Variants in GPC5 observed in about 807,000 individuals in gnomAD.
The protein encoded by GPC5 is glypican-5.
In GPC5, 47 loss-of-function variants were observed where a neutral mutation model predicts 53.9. The observed-to-expected ratio is 0.87, with a 90% CI of 0.69 to 1.11. GPC5 has a LOEUF of 1.11. Among genes scored for constraint, GPC5 ranks in the 50% most tolerant of loss-of-function variants. The pLI is 0.00. For synonymous variants in GPC5, 286 were observed against 263.3 expected (o/e 1.09, Z -0.84); for missense variants, 748 against 713.1 (o/e 1.05, Z -0.56).
At chr13:92,506,288 TATGAATG>T (rs1297446505) in intron 7 of GPC5, among the ~76,000 whole-genome samples, 16 of 152,236 alleles carry the variant, frequency 1.1e-4, no homozygotes, top group African/African-American at 3.9e-4. Context: ...AAAAACTTCA[TATGAATG>T]AAAGAGTTCT....
intron 6 of GPC5, among the ~76,000 whole-genome samples, chr13:92,133,813 AG>A (rs2138965641): frequency 6.6e-6 from 1 of 152,308 alleles, no homozygotes; most frequent in East Asian, 1.9e-4. Context: ...ATCTAAGTTA[AG>A]AACAGAAAAT....
intron 2 of GPC5, among the ~76,000 whole-genome samples, chr13:91,646,713 G>A (rs1027307044): frequency 6.6e-6 from 1 of 152,002 alleles, no homozygotes; most frequent in Non-Finnish European, 1.5e-5. Context: ...ATATGCTTCT[G>A]GTATAGCATA....
At chr13:91,990,297 G>C (rs2040445480) in intron 6 of GPC5, among the ~76,000 whole-genome samples, 1 of 152,166 alleles carries the variant, frequency 6.6e-6, no homozygotes. Flanking sequence ...TAAAGTATCA[G>C]TGATCTGGGT....
At chr13:92,539,681 C>T (rs1418322978) in intron 7 of GPC5, among the ~76,000 whole-genome samples, 1 of 151,846 alleles carries the variant, frequency 6.6e-6, no homozygotes, top group Admixed American at 6.6e-5. Flanking sequence ...CCTTCCCTTT[C>T]CAACCTTCCC....
At chr13:92,112,686 A>G (rs1399007176) in intron 6 of GPC5, among the ~76,000 whole-genome samples, 1 of 152,096 alleles carries the variant, frequency 6.6e-6, no homozygotes, top group African/African-American at 2.4e-5. Context: ...TGATATGTAG[A>G]TGTTGATCAT....
intron 7 of GPC5, among the ~76,000 whole-genome samples, chr13:92,594,328 G>T (rs560696729): frequency 6.6e-6 from 1 of 152,294 alleles, no homozygotes; most frequent in African/African-American, 2.4e-5. Context: ...TTGATAAGGG[G>T]TTAAAAGGCT....
chr13:92,567,919 A>C (rs1178821325), intron 7 of GPC5, among the ~76,000 whole-genome samples: 1 of 152,208 alleles, frequency 6.6e-6, no homozygotes, highest in Non-Finnish European at 1.5e-5. Context: ...AATTCAGCCC[A>C]ACTGATTTAA....
At chr13:92,010,559 ACT>A (rs1391426587) in intron 6 of GPC5, among the ~76,000 whole-genome samples, 1 of 152,214 alleles carries the variant, frequency 6.6e-6, no homozygotes, top group African/African-American at 2.4e-5. Flanking sequence ...ACTTGGAGAC[ACT>A]ATTTTTGGGC....
intron 7 of GPC5, among the ~76,000 whole-genome samples, chr13:92,415,259 T>G (rs1441957341): frequency 6.6e-6 from 1 of 152,134 alleles, no homozygotes; most frequent in Non-Finnish European, 1.5e-5. Context: ...GGACTTTTAG[T>G]GCAACACTCC....
intron 7 of GPC5, chr13:92,448,592 T>C (rs996959644): frequency 2.0e-5 from 3 of 152,092 alleles, no homozygotes; most frequent in Non-Finnish European, 4.4e-5. Flanking sequence ...ATCAATAATT[T>C]AAAACTTATT....
At chr13:92,829,854 A>G (rs1215122398) in intron 7 of GPC5, among the ~76,000 whole-genome samples, 1 of 152,160 alleles carries the variant, frequency 6.6e-6, no homozygotes, top group Non-Finnish European at 1.5e-5. Context: ...CCAAAAGTAG[A>G]TAGAGAAAAG....
intron 7 of GPC5, among the ~76,000 whole-genome samples, chr13:92,396,285 T>C (rs972592751): frequency 1.3e-5 from 2 of 152,202 alleles, no homozygotes; most frequent in African/African-American, 2.4e-5. Flanking sequence ...GCATTTGTTA[T>C]TTCTGTTACA....
chr13:92,340,375 C>T (rs761107269), intron 7 of GPC5: 33 of 152,070 alleles, frequency 2.2e-4, no homozygotes, highest in Non-Finnish European at 4.3e-4. Context: ...CTCTCAGTTT[C>T]TGAAATCTGA....
At chr13:92,433,517 T>C (rs1877181085) in intron 7 of GPC5, among the ~76,000 whole-genome samples, 2 of 152,184 alleles carry the variant, frequency 1.3e-5, no homozygotes, top group Admixed American at 6.5e-5. Context: ...GCTAGTGTTG[T>C]AATTGGAGAT....
At position 91,770,100 on chromosome 13, in the gene GPC5, G is replaced by C. The variant is rs188772169; in HGVS notation, c.1280+13680G>C. Among the ~76,000 whole-genome samples, 510 of 152,236 alleles carry C rather than the reference G, an allele frequency of 3.4e-3. 2 individuals are homozygous for C. The highest frequency in any genetic ancestry group is 0.012 in the African/African-American group (495 of 41,526). ...TATCATTTGCTAGAATGGCTCACAG[G>C]ACTCAGAGAAACACTTTACCTGTGT... is the stretch of plus-strand genomic sequence containing the variant. On this transcript the variant is annotated intron_variant, in intron 5 of 7. Transcript: ENST00000377067.
intron 2 of GPC5, among the ~76,000 whole-genome samples, chr13:91,549,570 A>C (rs1218488120): frequency 6.6e-6 from 1 of 152,182 alleles, no homozygotes. Flanking sequence ...CAATAAGAAC[A>C]CAACAAACCT....
intron 7 of GPC5, among the ~76,000 whole-genome samples, chr13:92,724,905 CACACACAA>C (rs1334902948): frequency 1.3e-5 from 2 of 149,974 alleles, no homozygotes; most frequent in Admixed American, 6.7e-5. Context: ...CACACACACA[CACACACAA>C]GAAAGAAAAA....
chr13:92,780,173 A>G (rs1420401012), intron 7 of GPC5, among the ~76,000 whole-genome samples: 2 of 151,958 alleles, frequency 1.3e-5, no homozygotes, highest in Admixed American at 1.3e-4. Context: ...TTTTAATCTG[A>G]CTAGTCAGAA....
intron 7 of GPC5, among the ~76,000 whole-genome samples, chr13:92,795,661 A>C (rs537110200): frequency 1.3e-5 from 2 of 151,922 alleles, no homozygotes; most frequent in African/African-American, 4.8e-5. Context: ...AGAATCTACA[A>C]AGAACTTAAA....
Sources: allele counts gnomAD v4.1 joint callset (sites outside exome capture counted in the v4.1 genomes callset), GRCh38; gene constraint gnomAD v4.1.1; transcripts MANE v1.5; gene names NCBI Gene and HGNC (gene_info 2026-07-23, HGNC 2026-07-21).